PMFBP1: variants seen among roughly 807,000 people sequenced by gnomAD.
PMFBP1 encodes the protein polyamine-modulated factor 1-binding protein 1.
PMFBP1 carries 131 observed loss-of-function variants against 137.8 expected under a neutral mutation model. That is an observed-to-expected ratio of 0.95 (90% CI 0.82 to 1.10). PMFBP1 has a LOEUF of 1.10. Among genes scored for constraint, PMFBP1 ranks in the 50% least tolerant of loss-of-function variants. The pLI is 0.00. For synonymous variants in PMFBP1, 490 were observed against 450.4 expected, an observed-to-expected ratio of 1.09 and a Z score of -1.11; for missense variants, 1,199 against 1,175.4, an observed-to-expected ratio of 1.02 and a Z score of -0.29.
chr16:72,239,885 C>CAAAAAAAAAAAAAA, the PMFBP1 span, among the ~76,000 whole-genome samples: 2 of 21,398 alleles, frequency 9.3e-5, no homozygotes, highest in African/African-American at 4.6e-4. Context: ...ACTCCATGTA[C>CAAAAAAAAAAAAAA]AAAAAAAAAA....
At chr16:72,129,327 TGAA>T (rs1264017263) in intron 12 of PMFBP1, 94 bp from the exon 13 acceptor site, 38 of 1,387,410 alleles carry the variant, frequency 2.7e-5, no homozygotes, top group Admixed American at 1.9e-4. Context: ...ATGGCTGAGA[TGAA>T]GAAGAAGACA....
intron 3 of PMFBP1, among the ~76,000 whole-genome samples, chr16:72,161,721 T>C (rs2043065350): frequency 1.3e-5 from 2 of 152,182 alleles, no homozygotes; most frequent in South Asian, 2.1e-4. Context: ...AAGATTACTA[T>C]GAACTATACT....
intron 6 of PMFBP1, among the ~76,000 whole-genome samples, chr16:72,140,079 C>G (rs2042693278): frequency 6.6e-6 from 1 of 152,240 alleles, no homozygotes; most frequent in Non-Finnish European, 1.5e-5. Flanking sequence ...GCAGCTCTTA[C>G]AGATGTGCTT....
In PMFBP1 at chr16:72,126,006, C is replaced by A. The variant is rs1328433639; in HGVS notation, c.2215G>T (p.Ala739Ser). ...EAYDALSRKS[A>S]ACQDDLTQAL... ...TGTGTCAGGTCATCCTGGCAGGCGG[C>A]TGACTTCCGGGATAATGCATCATAG... The change falls in exon 15 of 21, where the codon GCC (alanine) becomes TCC (serine). Residue 739 changes from alanine to serine, a missense_variant. Transcript: ENST00000237353. 2 of 1,614,230 alleles carry A rather than the reference C, an allele frequency of 1.2e-6. No individual in the cohort carries two copies. The highest frequency in any genetic ancestry group is 2.2e-5 in the South Asian group (2 of 91,086).
the PMFBP1 span, among the ~76,000 whole-genome samples, chr16:72,198,127 CA>C: frequency 6.6e-6 from 1 of 152,074 alleles, no homozygotes; most frequent in Admixed American, 6.6e-5. Flanking sequence ...AAGCGTATGA[CA>C]GGCCTAGAAT....
At chr16:72,167,743 C>T (rs570956297) in intron 2 of PMFBP1, among the ~76,000 whole-genome samples, 2 of 152,296 alleles carry the variant, frequency 1.3e-5, no homozygotes, top group East Asian at 3.9e-4. Flanking sequence ...AAGATGCCTG[C>T]TCCACAGGAG....
intron 5 of PMFBP1, among the ~76,000 whole-genome samples, chr16:72,146,536 A>G (rs980317658): frequency 3.2e-4 from 48 of 152,200 alleles, no homozygotes; most frequent in Admixed American, 3.1e-3. Flanking sequence ...CAATCACGCA[A>G]GAGAAAGAAA....
At chr16:72,199,094 G>C in the PMFBP1 span, among the ~76,000 whole-genome samples, 1 of 152,152 alleles carries the variant, frequency 6.6e-6, no homozygotes, top group Non-Finnish European at 1.5e-5. Flanking sequence ...CAGGGAACTA[G>C]GACGCATGCT....
At chr16:72,196,286 T>C in the PMFBP1 span, among the ~76,000 whole-genome samples, 4 of 152,140 alleles carry the variant, frequency 2.6e-5, no homozygotes, top group Non-Finnish European at 2.9e-5. Flanking sequence ...GTTGGGTGTC[T>C]GGGCAACACT....
the PMFBP1 span, among the ~76,000 whole-genome samples, chr16:72,229,777 G>A: frequency 1.3e-5 from 2 of 152,094 alleles, no homozygotes; most frequent in African/African-American, 2.4e-5. Flanking sequence ...GTCCATTAGG[G>A]TTTGCTATTT....
chr16:72,149,694 G>A (rs143070771), intron 5 of PMFBP1, among the ~76,000 whole-genome samples: 53 of 152,158 alleles, frequency 3.5e-4, no homozygotes, highest in Non-Finnish European at 5.3e-4. Flanking sequence ...ATGGTGGCGC[G>A]TGACTGTAGT....
the PMFBP1 span, among the ~76,000 whole-genome samples, chr16:72,220,537 A>G: frequency 2.0e-5 from 3 of 152,196 alleles, no homozygotes; most frequent in Non-Finnish European, 2.9e-5. Context: ...GTTTTCCCCT[A>G]TTTGATAAAT....
At chr16:72,166,356 C>T (rs764903767) in intron 2 of PMFBP1, among the ~76,000 whole-genome samples, 1 of 152,132 alleles carries the variant, frequency 6.6e-6, no homozygotes, top group Non-Finnish European at 1.5e-5. Flanking sequence ...TGCCTTGCTT[C>T]CCCTTTGCCT....
At chr16:72,139,788 AT>A (rs936354989) in intron 6 of PMFBP1, among the ~76,000 whole-genome samples, 5 of 151,654 alleles carry the variant, frequency 3.3e-5, no homozygotes, top group African/African-American at 7.3e-5. Context: ...TGTGTGTGTA[AT>A]TTTTTTTTGA....
the PMFBP1 span, among the ~76,000 whole-genome samples, chr16:72,218,016 C>T: frequency 1.5e-4 from 23 of 152,176 alleles, no homozygotes; most frequent in Non-Finnish European, 3.1e-4. Context: ...TACTGCTATA[C>T]AGTATTTCCT....
intron 2 of PMFBP1, among the ~76,000 whole-genome samples, chr16:72,167,423 A>G (rs979612477): frequency 2.0e-5 from 3 of 152,166 alleles, no homozygotes; most frequent in African/African-American, 7.2e-5. Context: ...TTCCAGAAAA[A>G]TAACAGTGGA....
the PMFBP1 span, among the ~76,000 whole-genome samples, chr16:72,205,753 A>T: frequency 6.6e-6 from 1 of 152,134 alleles, no homozygotes; most frequent in Non-Finnish European, 1.5e-5. Context: ...CTTGGAGATC[A>T]TCAACCACAC....
chr16:72,171,097 T>C, intron 2 of PMFBP1, 100 bp downstream of exon 2: 2 of 1,379,582 alleles, frequency 1.4e-6, no homozygotes, highest in South Asian at 1.2e-5. Context: ...CCATGATATT[T>C]TGTGATGCTT....
At chr16:72,150,939 A>C in intron 4 of PMFBP1, 110 bp from the exon 5 acceptor site, 1 of 883,854 alleles carries the variant, frequency 1.1e-6, no homozygotes, top group East Asian at 2.5e-5. Context: ...CCAGAAGACC[A>C]GATGAACAGA....
Sources: gnomAD v4.1 joint callset for allele counts (sites outside exome capture counted in the v4.1 genomes callset) on GRCh38, gnomAD v4.1.1 for gene constraint, MANE v1.5 for transcripts, NCBI Gene and HGNC (gene_info 2026-07-23, HGNC 2026-07-21) for gene names.